Variants in USP34 observed in about 807,000 individuals in gnomAD.
USP34 encodes the protein ubiquitin carboxyl-terminal hydrolase 34.
In USP34, 70 loss-of-function variants were observed where a neutral mutation model predicts 460.3. The observed-to-expected ratio is 0.15, with a 90% CI of 0.13 to 0.19. The LOEUF (loss-of-function observed/expected upper bound fraction) is 0.19. Ranked by LOEUF, USP34 falls within the 10% of genes least tolerant of loss-of-function variation. The probability of loss-of-function intolerance (pLI) is 1.00; values close to 1 mark genes in which losing one functional copy is unlikely to be tolerated. For missense variants in USP34, 3,985 were observed against 4,236.2 expected (o/e 0.94, Z 1.65); for synonymous variants, 1,647 against 1,405.3 (o/e 1.17, Z -3.85).
chr2:61,321,447 G>A (rs377421467), intron 21 of USP34, among the ~76,000 whole-genome samples: 28 of 152,250 alleles, frequency 1.8e-4, no homozygotes, highest in South Asian at 6.2e-4. Context: ...TCTCCAGCCT[G>A]GTGACAGAGT....
Position 61,448,674 on chromosome 2 carries a change from G to A in USP34, c.43+21976C>T, listed in dbSNP as rs375488715. Among the ~76,000 whole-genome samples, 7 of 151,928 alleles carry A rather than the reference G, an allele frequency of 4.6e-5. No homozygotes were observed. The East Asian group carries it at 7.7e-4, about 17-fold the overall frequency. On this transcript the variant is annotated intron_variant, in intron 1 of 79. Transcript: ENST00000398571. Reference sequence around the variant, plus strand: ...ATGACATACATAAAAAAGTCCTAAGGGATCCACTAAACAATTTACAAATGA... The same window carrying A: ...ATGACATACATAAAAAAGTCCTAAGAGATCCACTAAACAATTTACAAATGA...
chr2:61,387,489 G>C (rs1411718277), intron 5 of USP34, among the ~76,000 whole-genome samples: 2 of 149,668 alleles, frequency 1.3e-5, no homozygotes, highest in Non-Finnish European at 3.0e-5. Context: ...AAAAGTGTGT[G>C]TGTGAGTGTA....
intron 29 of USP34, among the ~76,000 whole-genome samples, chr2:61,299,033 C>G (rs986137512): frequency 6.6e-6 from 1 of 151,920 alleles, no homozygotes; most frequent in African/African-American, 2.4e-5. Flanking sequence ...ATACATGGAA[C>G]AGAACACCAG....
At chr2:61,243,843 T>A (rs1688345889) in intron 51 of USP34, among the ~76,000 whole-genome samples, 2 of 151,634 alleles carry the variant, frequency 1.3e-5, no homozygotes, top group Admixed American at 6.6e-5. Flanking sequence ...GTACCCCAGC[T>A]TGGTGACAGA....
intron 20 of USP34, among the ~76,000 whole-genome samples, chr2:61,328,192 C>T (rs556226394): frequency 2.6e-5 from 4 of 151,700 alleles, no homozygotes; most frequent in Admixed American, 1.3e-4. Flanking sequence ...TTCCCAGCTA[C>T]TCGGGAGGCT....
chr2:61,407,532 A>ATGCCC (rs1693912972), intron 2 of USP34, among the ~76,000 whole-genome samples: 1 of 152,218 alleles, frequency 6.6e-6, no homozygotes, highest in Admixed American at 6.5e-5. Context: ...TAGATCACCA[A>ATGCCC]TGCCCTGTAT....
intron 41 of USP34, among the ~76,000 whole-genome samples, chr2:61,273,635 T>C (rs771123382): frequency 6.6e-6 from 1 of 152,100 alleles, no homozygotes; most frequent in Non-Finnish European, 1.5e-5. Context: ...GGAGAATCGC[T>C]TGAACCTGGA....
Position 61,339,626 on chromosome 2 carries a change from C to G in USP34, c.2556G>C (p.Leu852Phe). Reference protein sequence around the residue: ...FNSNAVTDINLDNVCKKGNTL... With the variant: ...FNSNAVTDINFDNVCKKGNTL... ...TATTTCCTTTCTTGCAAACATTATC[C>G]AAATTAATGTCTGTAACAGCATTAC... The change falls in exon 17 of 80, where the codon TTG becomes TTC. Residue 852 changes from leucine to phenylalanine, a missense_variant. By Grantham distance (22) the Leu-to-Phe change is conservative. Coordinates refer to ENST00000398571, the MANE Select transcript of USP34 (RefSeq NM_014709.4). 6.3e-7 allele frequency: 1 copy of G among 1,577,124 alleles called. No homozygotes were observed. Among genetic ancestry groups the G allele is most frequent in the Non-Finnish European group, 8.6e-7 (1 of 1,168,134 alleles).
intron 21 of USP34, among the ~76,000 whole-genome samples, chr2:61,320,936 G>A (rs190252992): frequency 6.6e-6 from 1 of 152,064 alleles, no homozygotes; most frequent in Admixed American, 6.5e-5. Context: ...CTGGAACCCG[G>A]GAGGTGGAGG....
chr2:61,209,838 G>A (rs1250576422), intron 69 of USP34, among the ~76,000 whole-genome samples: 1 of 152,162 alleles, frequency 6.6e-6, no homozygotes, highest in Non-Finnish European at 1.5e-5. Flanking sequence ...TCCCAAGTGG[G>A]ACAAGATGTG....
intron 8 of USP34, among the ~76,000 whole-genome samples, chr2:61,377,320 ACCAAT>A (rs1238847450): frequency 6.6e-6 from 1 of 152,118 alleles, no homozygotes; most frequent in Non-Finnish European, 1.5e-5. Flanking sequence ...TTTCTAACAA[ACCAAT>A]CCAACTCTGT....
intron 5 of USP34, among the ~76,000 whole-genome samples, chr2:61,390,814 C>T (rs1331311574): frequency 1.3e-5 from 2 of 151,844 alleles, no homozygotes; most frequent in African/African-American, 4.8e-5. Flanking sequence ...AAAAACTCAC[C>T]AGCCAGGCGC....
intron 10 of USP34, among the ~76,000 whole-genome samples, chr2:61,351,229 G>A (rs1382850634): frequency 1.3e-5 from 2 of 152,030 alleles, no homozygotes; most frequent in Non-Finnish European, 2.9e-5. Context: ...AATAAATTAC[G>A]CTTAGGAGAA....
At chr2:61,205,963 C>A in intron 72 of USP34, 54 bp downstream of exon 72, 1 of 1,380,734 alleles carries the variant, frequency 7.2e-7, no homozygotes, top group Non-Finnish European at 1.0e-6. Context: ...GAAAAACTCA[C>A]AACAATGTTC....
rs1259429469 is a variant in USP34 at position 61,248,985 on chromosome 2, T to A, written c.6222-302A>T. 2.6e-5 allele frequency among the ~76,000 whole-genome samples: 4 copies of A among 152,138 alleles called. No individual in the cohort carries two copies. The East Asian group carries it at 5.8e-4, about 22-fold the overall frequency. On this transcript the variant is annotated intron_variant, in intron 48 of 79. Coordinates refer to ENST00000398571, the MANE Select transcript of USP34 (RefSeq NM_014709.4). ...ATAAAATACAACAATTATAACAATA[T>A]ACTGTTCACAATTTCACAGATTTTA...
chr2:61,382,260 A>G (rs929010302), intron 6 of USP34, among the ~76,000 whole-genome samples: 2 of 152,176 alleles, frequency 1.3e-5, no homozygotes, highest in African/African-American at 2.4e-5. Context: ...AAAAAATTAA[A>G]TCCATACTCC....
At chr2:61,281,380 G>T in intron 37 of USP34, 138 bp from the exon 38 acceptor site, 1 of 1,110,830 alleles carries the variant, frequency 9.0e-7, no homozygotes, top group Non-Finnish European at 1.2e-6. Context: ...TGGAGGCCCA[G>T]GCAGGAGGAT....
In USP34 at chr2:61,347,947, A is replaced by G. The variant is rs1268178114; in HGVS notation, c.2208T>C (p.Asn736=). ...TGDFLGETIG[N]ELFNCRQFIG... The stretch of plus-strand genomic sequence containing the variant: ...TAAATTGTCGACAATTAAATAATTC[A>G]TTCCCAATAGTCTCCCCAAGGAAGT... Residue 736 remains asparagine (N), a synonymous_variant, in exon 15 of 80, where the codon AAT becomes AAC. Coordinates refer to ENST00000398571, the MANE Select transcript of USP34 (RefSeq NM_014709.4). 3 of 1,614,104 alleles carry G rather than the reference A, an allele frequency of 1.9e-6. No homozygotes were observed. The highest frequency in any genetic ancestry group is 1.6e-4 in the Middle Eastern group (1 of 6,062).
chr2:61,467,265 T>C (rs1695798768), intron 1 of USP34, among the ~76,000 whole-genome samples: 1 of 152,058 alleles, frequency 6.6e-6, no homozygotes, highest in South Asian at 2.1e-4. Flanking sequence ...ACCGTGCCAC[T>C]GCACTCCAGC....
Sources: gnomAD v4.1 joint callset for allele counts (sites outside exome capture counted in the v4.1 genomes callset) on GRCh38, gnomAD v4.1.1 for gene constraint, MANE v1.5 for transcripts, NCBI Gene and HGNC (gene_info 2026-07-23, HGNC 2026-07-21) for gene names.